The following SDCCAG8 variants were observed in gnomAD, a reference collection of about 807,000 sequenced individuals.
The protein encoded by SDCCAG8 is SHH signaling and ciliogenesis regulator SDCCAG8, also known as serologically defined colon cancer antigen 8.
In SDCCAG8, 74 loss-of-function variants were observed where a neutral mutation model predicts 101.8. That is an observed-to-expected ratio of 0.73 (90% CI 0.60 to 0.88). The LOEUF (loss-of-function observed/expected upper bound fraction) is 0.88, where lower values mean the gene tolerates loss of function less well. Among genes scored for constraint, SDCCAG8 ranks in the 40% least tolerant of loss-of-function variants. The pLI, the probability that SDCCAG8 is intolerant of heterozygous loss-of-function variation, is 0.00. For missense variants in SDCCAG8, 787 were observed against 822.6 expected (o/e 0.96, Z 0.53); for synonymous variants, 281 against 292.9 (o/e 0.96, Z 0.41).
intron 3 of SDCCAG8, among the ~76,000 whole-genome samples, chr1:243,273,539 C>T (rs1004667375): frequency 2.5e-4 from 38 of 152,202 alleles, no homozygotes; most frequent in African/African-American, 8.9e-4. Flanking sequence ...TAGGGTTCTA[C>T]TCTTGGAGGT....
chr1:243,455,469 A>G (rs1024480253), intron 16 of SDCCAG8, among the ~76,000 whole-genome samples: 7 of 152,106 alleles, frequency 4.6e-5, no homozygotes, highest in Admixed American at 1.3e-4. Flanking sequence ...GGGTTTCACC[A>G]TGTTGGCCAG....
chr1:243,386,768 TGAGAGAGA>T (rs112662776), intron 13 of SDCCAG8, among the ~76,000 whole-genome samples: 1 of 143,374 alleles, frequency 7.0e-6, no homozygotes, highest in African/African-American at 2.5e-5. Flanking sequence ...AGAAAGAAAG[TGAGAGAGA>T]GAGAGAGAGA....
intron 12 of SDCCAG8, among the ~76,000 whole-genome samples, chr1:243,358,127 T>TA (rs1377705954): frequency 7.9e-5 from 12 of 152,038 alleles, no homozygotes; most frequent in African/African-American, 2.9e-4. Flanking sequence ...TTTTGACCTT[T>TA]AAAGAACATT....
chr1:243,479,628 G>A (rs1015865813), intron 16 of SDCCAG8, among the ~76,000 whole-genome samples: 4 of 152,154 alleles, frequency 2.6e-5, no homozygotes, highest in African/African-American at 7.2e-5. Context: ...GAAGTTTGCC[G>A]ACCTCACTTC....
At chr1:243,405,315 A>G (rs1306992949) in intron 13 of SDCCAG8, among the ~76,000 whole-genome samples, 2 of 152,250 alleles carry the variant, frequency 1.3e-5, no homozygotes, top group East Asian at 3.8e-4. Context: ...TTAGGTGTTA[A>G]AAAGCAAAAA....
intron 13 of SDCCAG8, among the ~76,000 whole-genome samples, chr1:243,399,908 C>A (rs2079271206): frequency 6.6e-6 from 1 of 152,216 alleles, no homozygotes; most frequent in African/African-American, 2.4e-5. Flanking sequence ...CCCCACATAA[C>A]CCTACCAGGT....
chr1:243,449,401 T>C (rs1334276141), intron 16 of SDCCAG8, among the ~76,000 whole-genome samples: 1 of 152,260 alleles, frequency 6.6e-6, no homozygotes, highest in Non-Finnish European at 1.5e-5. Flanking sequence ...GTGACAGTTT[T>C]GTTTTTAAAA....
At chr1:243,424,384 A>T (rs1232896868) in intron 15 of SDCCAG8, among the ~76,000 whole-genome samples, 1 of 152,076 alleles carries the variant, frequency 6.6e-6, no homozygotes, top group Non-Finnish European at 1.5e-5. Flanking sequence ...AAAACAAATA[A>T]AATACATATC....
chr1:243,472,734 G>A (rs1017163874), intron 16 of SDCCAG8, among the ~76,000 whole-genome samples: 3 of 152,216 alleles, frequency 2.0e-5, no homozygotes, highest in South Asian at 4.1e-4. Flanking sequence ...ATGTGTGACT[G>A]AACTCCAGCA....
chr1:243,386,239 A>G (rs928848299), intron 13 of SDCCAG8, among the ~76,000 whole-genome samples: 2 of 152,158 alleles, frequency 1.3e-5, no homozygotes, highest in African/African-American at 4.8e-5. Context: ...TACACAGCTG[A>G]TATGTTATCG....
At chr1:243,423,807 T>C (rs760315077) in intron 15 of SDCCAG8, among the ~76,000 whole-genome samples, 26 of 152,128 alleles carry the variant, frequency 1.7e-4, no homozygotes, top group Non-Finnish European at 1.5e-4. Context: ...AGAGGTGGAC[T>C]AAGTAATATC....
intron 5 of SDCCAG8, among the ~76,000 whole-genome samples, chr1:243,287,495 T>C (rs2069746029): frequency 1.3e-5 from 2 of 152,142 alleles, no homozygotes; most frequent in Admixed American, 1.3e-4. Context: ...TTGAGAAGTA[T>C]AGGAGTGTAT....
At chr1:243,383,693 C>G (rs1469974656) in intron 13 of SDCCAG8, among the ~76,000 whole-genome samples, 1 of 152,136 alleles carries the variant, frequency 6.6e-6, no homozygotes, top group African/African-American at 2.4e-5. Context: ...ATTCATAAGC[C>G]TCTGCCTTGA....
intron 8 of SDCCAG8, among the ~76,000 whole-genome samples, chr1:243,313,858 T>A (rs1232025475): frequency 6.6e-6 from 1 of 152,162 alleles, no homozygotes; most frequent in Non-Finnish European, 1.5e-5. Flanking sequence ...ATCGGCTGTT[T>A]CTGAAAGGCA....
rs531086531 is a variant in SDCCAG8 at position 243,435,746 on chromosome 1, G to A, written c.1985+9188G>A. Among the ~76,000 whole-genome samples the A allele has an allele frequency of 1.8e-4, 28 of 152,002 alleles. No individual in the cohort carries two copies. In the South Asian group the frequency reaches 5.6e-3, roughly 30 times the overall value. On this transcript the variant is annotated intron_variant, in intron 16 of 17. Coordinates refer to ENST00000366541, the MANE Select transcript of SDCCAG8 (RefSeq NM_006642.5). The stretch of plus-strand genomic sequence containing the variant: ...TGTTTGTGAACATGTGAATGTGTGT[G>A]TGTGTGTGTGTCCTCTATTCGATGG...
At chr1:243,291,215 ACGTATT>A (rs1289938215) in intron 5 of SDCCAG8, among the ~76,000 whole-genome samples, 1 of 152,180 alleles carries the variant, frequency 6.6e-6, no homozygotes. Context: ...AAATTAATAT[ACGTATT>A]TTAATCCTTC....
At chr1:243,408,979 G>A (rs1257547283) in intron 13 of SDCCAG8, among the ~76,000 whole-genome samples, 1 of 152,126 alleles carries the variant, frequency 6.6e-6, no homozygotes, top group Admixed American at 6.6e-5. Context: ...AGTCACACAG[G>A]TGATAAGGTG....
Position 243,304,716 on chromosome 1 carries a change from A to T in SDCCAG8, c.679A>T (p.Lys227Ter), listed in dbSNP as rs267607031. Residue 227 changes from lysine (K) to a stop codon, truncating the protein, a stop_gained, in exon 7 of 18, where the codon AAG (lysine) becomes TAG (stop). Coordinates refer to ENST00000366541, the MANE Select transcript of SDCCAG8 (RefSeq NM_006642.5). LOFTEE classifies it high-confidence loss of function. ...CTTCTATTTTTCTTTTCTATAGGAG[A>T]AGCTAAAACTTACTTATGAGGAAAA... is the stretch of plus-strand genomic sequence containing the variant. ...ASAGEQLELE[K>*]LKLTYEEKCE... The T allele has an allele frequency of 1.0e-5, 16 of 1,544,524 alleles. No homozygotes were observed. Among genetic ancestry groups the T allele is most frequent in the Non-Finnish European group, 1.4e-5 (16 of 1,117,124 alleles).
chr1:243,320,432 A>T (rs1187807155), intron 9 of SDCCAG8, among the ~76,000 whole-genome samples: 2 of 152,080 alleles, frequency 1.3e-5, no homozygotes, highest in Admixed American at 6.6e-5. Context: ...ATTCTTTCCC[A>T]TGCCCGTGGT....
Sources: gnomAD v4.1 joint callset for allele counts (sites outside exome capture counted in the v4.1 genomes callset) on GRCh38, gnomAD v4.1.1 for gene constraint, MANE v1.5 for transcripts, NCBI Gene and HGNC (gene_info 2026-07-23, HGNC 2026-07-21) for gene names.